Variants in STXBP5L observed in about 807,000 individuals in gnomAD.
STXBP5L encodes the protein syntaxin-binding protein 5-like.
In STXBP5L, 65 loss-of-function variants were observed where a neutral mutation model predicts 144.5. The observed-to-expected ratio is 0.45, with a 90% CI of 0.37 to 0.55. The LOEUF (loss-of-function observed/expected upper bound fraction) is 0.55. Among genes scored for constraint, STXBP5L ranks in the 20% least tolerant of loss-of-function variants. The pLI, the probability that STXBP5L is intolerant of heterozygous loss-of-function variation, is 0.00. For missense variants in STXBP5L, 1,298 were observed against 1,405.5 expected (o/e 0.92, Z 1.22); for synonymous variants, 505 against 469.6 (o/e 1.08, Z -0.97).
Position 121,013,136 on chromosome 3 carries a change from T to C in STXBP5L, c.288-28564T>C, listed in dbSNP as rs1944903878. ...GGTTGATTCCATGTTCTTGCTATTA[T>C]GAATAGTGCTGTAATAAACATATGA... On this transcript the variant is annotated intron_variant, in intron 3 of 26. Transcript: ENST00000471454. Among the ~76,000 whole-genome samples the C allele has an allele frequency of 2.0e-5, 3 of 152,084 alleles. No homozygotes were observed. The South Asian group carries it at 6.2e-4, about 31-fold the overall frequency.
At chr3:120,940,171 A>G (rs1297510201) in intron 2 of STXBP5L, among the ~76,000 whole-genome samples, 1 of 152,126 alleles carries the variant, frequency 6.6e-6, no homozygotes, top group Non-Finnish European at 1.5e-5. Flanking sequence ...ATATAGACAC[A>G]TAAAATAGAT....
intron 22 of STXBP5L, among the ~76,000 whole-genome samples, chr3:121,389,619 T>C (rs1225172118): frequency 6.6e-6 from 1 of 152,238 alleles, no homozygotes; most frequent in African/African-American, 2.4e-5. Context: ...AACGTCTTTA[T>C]TTCTGCCTTC....
At chr3:120,990,588 T>C (rs1942747144) in intron 3 of STXBP5L, among the ~76,000 whole-genome samples, 1 of 151,874 alleles carries the variant, frequency 6.6e-6, no homozygotes, top group African/African-American at 2.4e-5. Context: ...CAAAACAGCA[T>C]GGTACTGGTA....
At chr3:120,923,811 C>T (rs1253639551) in intron 2 of STXBP5L, among the ~76,000 whole-genome samples, 5 of 152,028 alleles carry the variant, frequency 3.3e-5, no homozygotes, top group Admixed American at 2.6e-4. Context: ...GTGTATTCTG[C>T]AGCAGTTGGG....
chr3:121,238,606 A>C (rs946937805), intron 12 of STXBP5L, among the ~76,000 whole-genome samples: 3 of 152,164 alleles, frequency 2.0e-5, no homozygotes, highest in African/African-American at 7.2e-5. Flanking sequence ...AATATTTACC[A>C]ATGTATATAG....
rs572088711 is a variant in STXBP5L at position 121,346,042 on chromosome 3, G to A, written c.2176+27502G>A. 2.0e-4 allele frequency among the ~76,000 whole-genome samples: 31 copies of A among 151,952 alleles called. No homozygotes were observed. The South Asian group carries it at 5.8e-3, about 28-fold the overall frequency. ...ATATGTGTACATGTGAAACGTTGGTGTGCTGCACCCACTAACTCATCATTT... is the reference window on the plus strand; with the variant it reads ...ATATGTGTACATGTGAAACGTTGGTATGCTGCACCCACTAACTCATCATTT... On this transcript the variant is annotated intron_variant, in intron 20 of 26. Coordinates refer to ENST00000471454, the MANE Select transcript of STXBP5L (RefSeq NM_001308330.2).
At chr3:121,165,620 G>A (rs1015683702) in intron 9 of STXBP5L, among the ~76,000 whole-genome samples, 7 of 152,096 alleles carry the variant, frequency 4.6e-5, no homozygotes, top group African/African-American at 1.7e-4. Context: ...TTTGAAGGGT[G>A]AGAAGAGCAG....
intron 20 of STXBP5L, among the ~76,000 whole-genome samples, chr3:121,345,839 A>T (rs941091363): frequency 3.3e-5 from 5 of 151,968 alleles, no homozygotes; most frequent in Non-Finnish European, 7.4e-5. Flanking sequence ...AAATTCAGAC[A>T]ATATATCTAA....
intron 5 of STXBP5L, among the ~76,000 whole-genome samples, chr3:121,051,494 C>T (rs1056917808): frequency 9.9e-5 from 15 of 152,108 alleles, no homozygotes; most frequent in South Asian, 6.2e-4. Context: ...CTACTGGGTA[C>T]GTGACGAAAA....
intron 20 of STXBP5L, among the ~76,000 whole-genome samples, chr3:121,344,139 G>A (rs1237205559): frequency 6.6e-6 from 1 of 151,924 alleles, no homozygotes; most frequent in African/African-American, 2.4e-5. Context: ...AGAAAAACAA[G>A]CAATGGGGAA....
At chr3:121,101,473 T>G (rs2043422134) in intron 5 of STXBP5L, among the ~76,000 whole-genome samples, 1 of 150,516 alleles carries the variant, frequency 6.6e-6, no homozygotes, top group South Asian at 2.1e-4. Flanking sequence ...TAAAAAGATT[T>G]AAAAACCATA....
intron 5 of STXBP5L, among the ~76,000 whole-genome samples, chr3:121,054,228 A>G (rs1274017763): frequency 6.6e-6 from 1 of 152,160 alleles, no homozygotes; most frequent in East Asian, 1.9e-4. Context: ...TGACCCAGCC[A>G]TCCCATTACT....
At chr3:120,961,297 T>C (rs1226747218) in intron 3 of STXBP5L, among the ~76,000 whole-genome samples, 1 of 151,854 alleles carries the variant, frequency 6.6e-6, no homozygotes, top group Non-Finnish European at 1.5e-5. Flanking sequence ...AATTATACTT[T>C]AAGTTCTAGG....
intron 3 of STXBP5L, among the ~76,000 whole-genome samples, chr3:120,966,607 T>C (rs569908639): frequency 1.3e-5 from 2 of 152,296 alleles, no homozygotes; most frequent in South Asian, 4.1e-4. Flanking sequence ...GGTATCACCA[T>C]TGGAGGCTGC....
At chr3:121,399,834 G>A (rs1275623014) in intron 22 of STXBP5L, among the ~76,000 whole-genome samples, 1 of 152,134 alleles carries the variant, frequency 6.6e-6, no homozygotes, top group Non-Finnish European at 1.5e-5. Flanking sequence ...GGCTAGTTTT[G>A]GGGCCAGTTT....
At chr3:121,003,400 G>T (rs1401284727) in intron 3 of STXBP5L, among the ~76,000 whole-genome samples, 2 of 151,886 alleles carry the variant, frequency 1.3e-5, no homozygotes, top group Admixed American at 1.3e-4. Context: ...TTTTAATGGG[G>T]TTGTTTCTTT....
intron 14 of STXBP5L, among the ~76,000 whole-genome samples, chr3:121,243,542 CA>C (rs112243588): frequency 2.2e-3 from 289 of 131,742 alleles, no homozygotes; most frequent in East Asian, 7.7e-3. Context: ...ATCAAAGAGA[CA>C]AAAAAAAAAA....
chr3:121,392,194 G>T (rs2046605742), intron 22 of STXBP5L, among the ~76,000 whole-genome samples: 2 of 152,132 alleles, frequency 1.3e-5, no homozygotes, highest in Non-Finnish European at 2.9e-5. Context: ...CCATGGGCAT[G>T]GGACCTGCCA....
intron 3 of STXBP5L, among the ~76,000 whole-genome samples, chr3:121,005,986 T>G (rs1006245277): frequency 6.6e-6 from 1 of 152,206 alleles, no homozygotes; most frequent in African/African-American, 2.4e-5. Flanking sequence ...GTGGTCACTT[T>G]TGGAATAGGT....
Sources: gnomAD v4.1 joint callset for allele counts (sites outside exome capture counted in the v4.1 genomes callset) on GRCh38, gnomAD v4.1.1 for gene constraint, MANE v1.5 for transcripts, NCBI Gene and HGNC (gene_info 2026-07-23, HGNC 2026-07-21) for gene names.